Variants in TMEM45B observed in about 807,000 individuals in gnomAD.
TMEM45B encodes the protein transmembrane protein 45B.
In TMEM45B, 29 loss-of-function variants were observed where a neutral mutation model predicts 27.3. That is an observed-to-expected ratio of 1.06 (90% CI 0.79 to 1.45). The LOEUF (loss-of-function observed/expected upper bound fraction) is 1.45, where lower values mean the gene tolerates loss of function less well. Ranked by LOEUF, TMEM45B falls within the 40% of genes most tolerant of loss-of-function variation. The pLI, the probability that TMEM45B is intolerant of heterozygous loss-of-function variation, is 0.00. For missense variants in TMEM45B, 348 were observed against 343.9 expected (o/e 1.01, Z -0.09); for synonymous variants, 143 against 134.7 (o/e 1.06, Z -0.43).
At chr11:129,842,979 G>T (rs1322344784) in intron 1 of TMEM45B, among the ~76,000 whole-genome samples, 1 of 152,142 alleles carries the variant, frequency 6.6e-6, no homozygotes, top group Non-Finnish European at 1.5e-5. Context: ...TAAAAAGTAG[G>T]CAACAGGCTG....
In TMEM45B at chr11:129,839,929, A is replaced by G. The variant is rs115243134; in HGVS notation, c.-8-12546A>G. ...ATTGCCCACACCAGTTGTGTATATT[A>G]GGAAACACATTCCTTAAGTACTTTT... On this transcript the variant is annotated intron_variant, in intron 1 of 5. Transcript: ENST00000281441. Among the ~76,000 whole-genome samples the G allele has an allele frequency of 5.3e-3, 808 of 152,346 alleles. 9 individuals carry two copies. The highest frequency in any genetic ancestry group is 0.017 in the African/African-American group (725 of 41,580).
intron 1 of TMEM45B, among the ~76,000 whole-genome samples, chr11:129,841,849 C>T (rs1314167918): frequency 6.6e-6 from 1 of 152,080 alleles, no homozygotes; most frequent in African/African-American, 2.4e-5. Context: ...CCACCCGCCT[C>T]GGCCTCCCAA....
intron 1 of TMEM45B, among the ~76,000 whole-genome samples, chr11:129,825,164 G>C (rs891517914): frequency 1.3e-5 from 2 of 152,200 alleles, no homozygotes; most frequent in African/African-American, 4.8e-5. Flanking sequence ...AGGCCTCGCA[G>C]TGTTTAGGAA....
At chr11:129,837,584 G>GTTTTTT (rs1387294363) in intron 1 of TMEM45B, among the ~76,000 whole-genome samples, 5 of 34,950 alleles carry the variant, frequency 1.4e-4, no homozygotes, top group African/African-American at 1.4e-4. Context: ...ACTGCACTGG[G>GTTTTTT]CTTTTTTTTT....
intron 1 of TMEM45B, among the ~76,000 whole-genome samples, chr11:129,841,568 C>T (rs1947692686): frequency 1.4e-5 from 2 of 145,912 alleles, no homozygotes; most frequent in Admixed American, 1.4e-4. Flanking sequence ...GTGTAATGGG[C>T]TTGAAGTTTT....
intron 1 of TMEM45B, among the ~76,000 whole-genome samples, chr11:129,832,065 C>CAAA (rs57336005): frequency 0.26 from 15,239 of 58,474 alleles, 2,371 homozygotes; most frequent in East Asian, 0.4. Flanking sequence ...GATTCCATCT[C>CAAA]AAAAAAAAAA....
chr11:129,855,164 C>G (rs531613452), intron 3 of TMEM45B, among the ~76,000 whole-genome samples: 7 of 152,276 alleles, frequency 4.6e-5, no homozygotes, highest in African/African-American at 7.2e-5. Context: ...CATGCGGGTA[C>G]ACACAATGCC....
At chr11:129,839,506 G>C (rs1161923218) in intron 1 of TMEM45B, among the ~76,000 whole-genome samples, 2 of 152,102 alleles carry the variant, frequency 1.3e-5, no homozygotes, top group Admixed American at 6.6e-5. Context: ...AAGAAAGTTG[G>C]GGAATTTGCC....
At chr11:129,852,852 C>A in intron 2 of TMEM45B, 192 bp downstream of exon 2, 2 of 487,808 alleles carry the variant, frequency 4.1e-6, no homozygotes, top group Non-Finnish European at 6.8e-6. Context: ...CGGTTGACAG[C>A]TCTCACATCA....
In TMEM45B at chr11:129,856,386, G is replaced by A. The variant is rs113877180; in HGVS notation, c.570+494G>A. ...GCCACCACACCTGGCTAATTTTTTT[G>A]TATTTTTAGAGACAGGGTTTCACCA... On this transcript the variant is annotated intron_variant, in intron 4 of 5. Coordinates refer to ENST00000281441, the MANE Select transcript of TMEM45B (RefSeq NM_138788.5). 1.7e-3 allele frequency among the ~76,000 whole-genome samples: 255 copies of A among 148,622 alleles called. 1 individual carries two copies. The highest frequency in any genetic ancestry group is 5.9e-3 in the African/African-American group (240 of 40,364).
At chr11:129,858,473 T>G in intron 5 of TMEM45B, 101 bp from the exon 6 acceptor site, 1 of 732,492 alleles carries the variant, frequency 1.4e-6, no homozygotes, top group Non-Finnish European at 2.2e-6. Context: ...TTGATAGAAA[T>G]ATAAAGAAAA....
At chr11:129,857,616 A>G (rs533645759) in intron 5 of TMEM45B, 158 bp downstream of exon 5, 1 of 806,676 alleles carries the variant, frequency 1.2e-6, no homozygotes, top group East Asian at 2.6e-5. Flanking sequence ...AAACAAGGGG[A>G]ATGAGGCTTT....
chr11:129,858,636 C>G lies in TMEM45B; in HGVS notation c.779C>G (p.Ser260Ter). 4 of 1,582,854 alleles carry G rather than the reference C, an allele frequency of 2.5e-6. No individual in the cohort carries two copies. The highest frequency in any genetic ancestry group is 3.4e-6 in the Non-Finnish European group (4 of 1,163,342). The change falls in exon 6 of 6, where the codon TCA (serine) becomes TGA (stop). Residue 260 changes from serine (S) to a stop codon, truncating the protein, a stop_gained. Coordinates refer to ENST00000281441, the MANE Select transcript of TMEM45B (RefSeq NM_138788.5). LOFTEE classifies it high-confidence loss of function. ...ATCATTGGAATTCAGAAGCTGAATTCAGATGACACTTACCAGACCGCCCTC... is the reference window on the plus strand; with the variant it reads ...ATCATTGGAATTCAGAAGCTGAATTGAGATGACACTTACCAGACCGCCCTC... ...GEIIGIQKLNSDDTYQTALLS... is the reference protein window; with the variant it reads ...GEIIGIQKLN
intron 1 of TMEM45B, among the ~76,000 whole-genome samples, chr11:129,835,194 T>C (rs1421950702): frequency 6.6e-6 from 1 of 152,154 alleles, no homozygotes; most frequent in Non-Finnish European, 1.5e-5. Flanking sequence ...ACTTGAAGAT[T>C]TGGAAAATTC....
rs111700671 is a variant in TMEM45B, at chr11:129,859,869, T to G, written c.*1184T>G. ...AACAAATATTTATTAAATATCCACTTTGCAACAGCACTGAAATGGCTGTAA... is the reference window on the plus strand; with the variant it reads ...AACAAATATTTATTAAATATCCACTGTGCAACAGCACTGAAATGGCTGTAA... On this transcript the variant is annotated 3_prime_UTR_variant, in exon 6 of 6. Coordinates refer to ENST00000281441, the MANE Select transcript of TMEM45B (RefSeq NM_138788.5). 0.023 allele frequency: 3,514 copies of G among 152,590 alleles called. 76 individuals carry two copies. Among genetic ancestry groups the G allele is most frequent in the Non-Finnish European group, 0.033 (2,271 of 68,032 alleles). The allele number at this position is 152,590 out of a possible 1,614,324, so 9.5% of individuals were successfully genotyped here. A position where few individuals can be genotyped will look rare whatever the true frequency, so the allele number is the denominator to read the frequency against.
rs771180226 is a variant in TMEM45B at position 129,855,907 on chromosome 11, C to G, written c.570+15C>G. ...GGTTCTGGCAGGTGATTTTCCACACCCAGGCCCCTCGCTGGTCTGGATGGA... is the reference window on the plus strand; with the variant it reads ...GGTTCTGGCAGGTGATTTTCCACACGCAGGCCCCTCGCTGGTCTGGATGGA... On this transcript the variant is annotated intron_variant, in intron 4 of 5. Coordinates refer to ENST00000281441, the MANE Select transcript of TMEM45B (RefSeq NM_138788.5). The G allele has an allele frequency of 6.2e-7, 1 of 1,613,524 alleles. No homozygotes were observed. Among genetic ancestry groups the G allele is most frequent in the South Asian group, 1.1e-5 (1 of 91,012 alleles).
At chr11:129,848,488 G>A (rs940989783) in intron 1 of TMEM45B, among the ~76,000 whole-genome samples, 7 of 150,586 alleles carry the variant, frequency 4.6e-5, no homozygotes, top group African/African-American at 1.7e-4. Context: ...GGCTCGGCAT[G>A]AAAGGGAGAC....
chr11:129,826,123 C>G (rs1230693126), intron 1 of TMEM45B, among the ~76,000 whole-genome samples: 2 of 151,968 alleles, frequency 1.3e-5, no homozygotes, highest in Non-Finnish European at 2.9e-5. Context: ...GTTTCATCCT[C>G]CCTTCTCCAT....
Position 129,837,585 on chromosome 11 carries a change from C to CTTTTTTT in TMEM45B, c.-8-14881_-8-14875dup, listed in dbSNP as rs200040338. Reference sequence around the variant, plus strand: ...TACAGGCATGAGCCACTGCACTGGGCTTTTTTTTTTTTTTTGAGACAGGGT... The same window carrying CTTTTTTT: ...TACAGGCATGAGCCACTGCACTGGGCTTTTTTTTTTTTTTTTTTTTTTGAGACAGGGT... On this transcript the variant is annotated intron_variant, in intron 1 of 5. Transcript: ENST00000281441. Among the ~76,000 whole-genome samples the CTTTTTTT allele has an allele frequency of 1.8e-3, 141 of 80,268 alleles. 15 individuals are homozygous for CTTTTTTT. Among genetic ancestry groups the CTTTTTTT allele is most frequent in the Admixed American group, 3.1e-3 (18 of 5,894 alleles). The allele number at this position is 80,268 out of a possible 152,430, so 52.7% of individuals were successfully genotyped here.
Sources: allele counts gnomAD v4.1 joint callset (sites outside exome capture counted in the v4.1 genomes callset), GRCh38; gene constraint gnomAD v4.1.1; transcripts MANE v1.5; gene names NCBI Gene and HGNC (gene_info 2026-07-23, HGNC 2026-07-21).